Variants in DCT observed in about 807,000 individuals in gnomAD.
DCT encodes the protein dopachrome tautomerase.
Under a neutral mutation model 53.0 loss-of-function variants are expected in DCT, and 47 were observed. The ratio of observed to expected loss-of-function variants is 0.89; its 90% CI spans 0.70 to 1.13. The LOEUF (loss-of-function observed/expected upper bound fraction) is 1.13. DCT is among the 50% of genes most tolerant of loss of function. The probability of loss-of-function intolerance (pLI) is 0.00; values close to 1 mark genes in which losing one functional copy is unlikely to be tolerated. For synonymous variants in DCT, 244 were observed against 237.0 expected (o/e 1.03, Z -0.27); for missense variants, 669 against 637.4 (o/e 1.05, Z -0.53).
At position 94,452,056 on chromosome 13, in the gene DCT, G is replaced by A. The variant is rs552982365; in HGVS notation, c.1179+8035C>T. 4.0e-5 allele frequency among the ~76,000 whole-genome samples: 6 copies of A among 151,334 alleles called. No individual in the cohort carries two copies. The East Asian group carries it at 9.8e-4, about 25-fold the overall frequency. The stretch of plus-strand genomic sequence containing the variant: ...GGACTTCACTTTTTTTTTTGAGACA[G>A]AGTTTCGCTCTTGTCACCCAGGCTG... On this transcript the variant is annotated intron_variant, in intron 6 of 7. Coordinates refer to ENST00000377028, the MANE Select transcript of DCT (RefSeq NM_001922.5).
chr13:94,470,526 C>T (rs1405541980), intron 1 of DCT, among the ~76,000 whole-genome samples: 1 of 152,072 alleles, frequency 6.6e-6, no homozygotes, highest in Non-Finnish European at 1.5e-5. Flanking sequence ...CATTAGAGCA[C>T]AAGATTGAAA....
chr13:94,443,283 A>C (rs539307012), intron 7 of DCT, among the ~76,000 whole-genome samples, 153 bp downstream of exon 7: 1 of 152,314 alleles, frequency 6.6e-6, no homozygotes, highest in Admixed American at 6.5e-5. Flanking sequence ...TCATTTTGCT[A>C]AATACGTATA....
At chr13:94,535,967 C>T in the DCT span, among the ~76,000 whole-genome samples, 1 of 152,162 alleles carries the variant, frequency 6.6e-6, no homozygotes, top group South Asian at 2.1e-4. Flanking sequence ...CAATCTAGCT[C>T]CTCATCAGCA....
At chr13:94,527,802 GA>G in the DCT span, among the ~76,000 whole-genome samples, 6 of 152,254 alleles carry the variant, frequency 3.9e-5, no homozygotes, top group Non-Finnish European at 7.3e-5. Flanking sequence ...CGAGTTGACA[GA>G]AGTCAGCTTC....
chr13:94,535,547 A>C, the DCT span, among the ~76,000 whole-genome samples: 850 of 152,360 alleles, frequency 5.6e-3, 11 homozygotes, highest in African/African-American at 0.02. Context: ...TATGCAGAGC[A>C]CAATACTCAG....
intron 7 of DCT, among the ~76,000 whole-genome samples, chr13:94,442,735 C>T (rs1882419842): frequency 6.6e-6 from 1 of 152,130 alleles, no homozygotes; most frequent in African/African-American, 2.4e-5. Context: ...GTTGGTAGAC[C>T]AATCAATGTC....
At chr13:94,482,782 G>A (rs560838688), upstream of DCT, among the ~76,000 whole-genome samples, 3 of 152,192 alleles carry the variant, frequency 2.0e-5, no homozygotes, top group African/African-American at 4.8e-5. Context: ...AAAACACTTA[G>A]GCTTATAATG....
Position 94,469,061 on chromosome 13 carries a change from G to A in DCT, c.296-16C>T, listed in dbSNP as rs552349315. ...GCAAAGTTTCCTAGTTCACAAAACA[G>A]AAAGATGGAAAGGAAGGGGGTTTAT... On this transcript the variant is annotated splice_polypyrimidine_tract_variant and intron_variant, in intron 1 of 7. Transcript: ENST00000377028. The A allele has an allele frequency of 6.2e-7, 1 of 1,602,736 alleles. No individual in the cohort carries two copies. The highest frequency in any genetic ancestry group is 1.1e-5 in the South Asian group (1 of 90,866).
intron 7 of DCT, among the ~76,000 whole-genome samples, chr13:94,442,828 AAAAC>A (rs1882433291): frequency 6.6e-6 from 1 of 152,242 alleles, no homozygotes; most frequent in Admixed American, 6.5e-5. Context: ...GTGGGTATGA[AAAAC>A]AAACAAAAGT....
At chr13:94,500,190 A>G in the DCT span, among the ~76,000 whole-genome samples, 506 of 152,108 alleles carry the variant, frequency 3.3e-3, 2 homozygotes, top group African/African-American at 0.012. Context: ...CCTGACAACA[A>G]CCTGTATTAG....
chr13:94,445,746 G>C, intron 6 of DCT: 1 of 1,585,812 alleles, frequency 6.3e-7, no homozygotes, highest in African/African-American at 1.3e-5. Flanking sequence ...GGAGTTCCTT[G>C]GTCGCTTTCT....
At chr13:94,540,592 C>T in the DCT span, among the ~76,000 whole-genome samples, 1 of 152,114 alleles carries the variant, frequency 6.6e-6, no homozygotes, top group Admixed American at 6.5e-5. Flanking sequence ...AAATGCAAAT[C>T]AAAACCCAAT....
chr13:94,511,485 A>C, the DCT span, among the ~76,000 whole-genome samples: 34 of 151,280 alleles, frequency 2.2e-4, no homozygotes, highest in African/African-American at 8.3e-4. Context: ...TCAGCCTCCC[A>C]AGTAGCTGGG....
chr13:94,533,693 G>A, the DCT span, among the ~76,000 whole-genome samples: 1 of 152,144 alleles, frequency 6.6e-6, no homozygotes, highest in Non-Finnish European at 1.5e-5. Flanking sequence ...GCTGAGGCAG[G>A]AGAATCACTT....
rs777376777 is a variant in DCT at position 94,460,210 on chromosome 13, AC to A, written c.1059del (p.Phe354LeufsTer12). The A allele has an allele frequency of 1.2e-6, 2 of 1,613,756 alleles. No homozygotes were observed. Among genetic ancestry groups the A allele is most frequent in the Non-Finnish European group, 1.7e-6 (2 of 1,179,704 alleles). Reference sequence around the variant, plus strand: ...TCCAGAGTCCCATCTGCTTTATCAAACCCTTCCAAAGCATTCCTAGGAGAAA... The same window carrying A: ...TCCAGAGTCCCATCTGCTTTATCAAACCTTCCAAAGCATTCCTAGGAGAAA... ...STFSFRNALE[G>X]FDKADGTLDS... On this transcript the variant is annotated frameshift_variant, in exon 6 of 8. Transcript: ENST00000377028. LOFTEE classifies it high-confidence loss of function.
chr13:94,547,620 A>G, the DCT span, among the ~76,000 whole-genome samples: 2 of 151,708 alleles, frequency 1.3e-5, no homozygotes, highest in African/African-American at 4.8e-5. Context: ...AGTCACTATC[A>G]CCCCAGAACC....
the DCT span, among the ~76,000 whole-genome samples, chr13:94,524,987 A>G: frequency 6.6e-6 from 1 of 152,190 alleles, no homozygotes; most frequent in African/African-American, 2.4e-5. Context: ...AAGAAACACC[A>G]AAGATTGCCA....
rs930975367 is a variant in DCT, at chr13:94,439,311, T to C, written c.*587A>G. The C allele has an allele frequency of 6.6e-6, 1 of 152,240 alleles. No individual in the cohort carries two copies. The highest frequency in any genetic ancestry group is 2.4e-5 in the African/African-American group (1 of 41,430). The allele number at this position is 152,240 out of a possible 1,614,324, so 9.4% of individuals were successfully genotyped here. On this transcript the variant is annotated 3_prime_UTR_variant, in exon 8 of 8. Transcript: ENST00000377028. Reference sequence around the variant, plus strand: ...GTAAAGAAAACAAGGCTTATTCTCATCTTCTAAGCTGGAGAGGAAAAATAT... The same window carrying C: ...GTAAAGAAAACAAGGCTTATTCTCACCTTCTAAGCTGGAGAGGAAAAATAT...
chr13:94,490,651 C>T, the DCT span, among the ~76,000 whole-genome samples: 1 of 151,712 alleles, frequency 6.6e-6, no homozygotes, highest in Non-Finnish European at 1.5e-5. Flanking sequence ...CACACACACA[C>T]ATACACAAAG....
Sources: gnomAD v4.1 joint callset for allele counts (sites outside exome capture counted in the v4.1 genomes callset) on GRCh38, gnomAD v4.1.1 for gene constraint, MANE v1.5 for transcripts, NCBI Gene and HGNC (gene_info 2026-07-23, HGNC 2026-07-21) for gene names.